Variants in PKHD1 observed in about 807,000 individuals in gnomAD.
PKHD1 encodes the protein PKHD1 ciliary IPT domain containing fibrocystin/polyductin.
In PKHD1, 291 loss-of-function variants were observed where a neutral mutation model predicts 412.0. That is an observed-to-expected ratio of 0.71 (90% CI 0.64 to 0.78). PKHD1 has a LOEUF of 0.78. Ranked by LOEUF, PKHD1 falls within the 30% of genes least tolerant of loss-of-function variation. The pLI is 0.00. For missense variants in PKHD1, 4,825 were observed against 4,950.7 expected (o/e 0.97, Z 0.76); for synonymous variants, 1,777 against 1,821.5 (o/e 0.98, Z 0.62).
At chr6:51,744,053 T>A (rs1784894213) in intron 60 of PKHD1, among the ~76,000 whole-genome samples, 1 of 152,176 alleles carries the variant, frequency 6.6e-6, no homozygotes, top group South Asian at 2.1e-4. Context: ...CAGACCAGTA[T>A]GAAACACTGA....
intron 34 of PKHD1, among the ~76,000 whole-genome samples, chr6:52,014,431 G>A (rs946832935): frequency 6.6e-6 from 1 of 152,206 alleles, no homozygotes; most frequent in Non-Finnish European, 1.5e-5. Context: ...CCACGAATGA[G>A]CCACCAGTAC....
Position 51,693,684 on chromosome 6 carries a change from CAT to C in PKHD1, c.10157-33717_10157-33716del, listed in dbSNP as rs573658337. On this transcript the variant is annotated intron_variant, in intron 60 of 66. Transcript: ENST00000371117. Reference sequence around the variant, plus strand: ...ACAATATGGGCAGCTTCATTAAAAACATGGGATGGCAGTGGTATAGCCATTAC... The same window carrying C: ...ACAATATGGGCAGCTTCATTAAAAACGGGATGGCAGTGGTATAGCCATTAC... Among the ~76,000 whole-genome samples, 34 of 152,300 alleles carry C rather than the reference CAT, an allele frequency of 2.2e-4. No homozygotes were observed. In the East Asian group the frequency reaches 5.6e-3, roughly 25 times the overall value.
intron 66 of PKHD1, among the ~76,000 whole-genome samples, chr6:51,620,744 G>A (rs1432926755): frequency 6.7e-6 from 1 of 149,234 alleles, no homozygotes; most frequent in East Asian, 2.0e-4. Context: ...ATTTAATCTG[G>A]AAAATGAGGT....
intron 52 of PKHD1, among the ~76,000 whole-genome samples, chr6:51,794,235 G>A (rs191832193): frequency 3.8e-4 from 58 of 152,126 alleles, no homozygotes; most frequent in African/African-American, 1.4e-3. Flanking sequence ...TGACTGGTAT[G>A]AGATGATATC....
At chr6:51,742,870 G>A (rs1038096222) in intron 60 of PKHD1, among the ~76,000 whole-genome samples, 1 of 152,142 alleles carries the variant, frequency 6.6e-6, no homozygotes, top group African/African-American at 2.4e-5. Context: ...AGATAGGGTG[G>A]TCAAGGATGG....
chr6:51,805,418 A>G (rs59348449), intron 52 of PKHD1, among the ~76,000 whole-genome samples: 16,029 of 152,212 alleles, frequency 0.11, 915 homozygotes, highest in East Asian at 0.14. Context: ...AGAGCTACCT[A>G]TTGGGTGCTA....
intron 52 of PKHD1, among the ~76,000 whole-genome samples, chr6:51,807,208 A>AC (rs35166596): frequency 0.56 from 84,672 of 151,136 alleles, 24,134 homozygotes; most frequent in East Asian, 0.78. Flanking sequence ...CAGGTTGATC[A>AC]CTGAGGTCAG....
In PKHD1 at chr6:52,056,987, A is replaced by T. The variant is rs752966160; in HGVS notation, c.1513-8T>A. On this transcript the variant is annotated splice_polypyrimidine_tract_variant and splice_region_variant and intron_variant, in intron 16 of 66. Coordinates refer to ENST00000371117, the MANE Select transcript of PKHD1 (RefSeq NM_138694.4). ...GCCTGATACATTCAGCACCTAAAAAAGTCAAGACAGACAAGACTAAATGAT... is the reference window on the plus strand; with the variant it reads ...GCCTGATACATTCAGCACCTAAAAATGTCAAGACAGACAAGACTAAATGAT... 2 of 1,594,110 alleles carry T rather than the reference A, an allele frequency of 1.3e-6. No homozygotes were observed. The highest frequency in any genetic ancestry group is 1.1e-5 in the South Asian group (1 of 90,628).
At chr6:52,055,994 G>A (rs376934442) in intron 18 of PKHD1, among the ~76,000 whole-genome samples, 1 of 152,282 alleles carries the variant, frequency 6.6e-6, no homozygotes, top group African/African-American at 2.4e-5. Flanking sequence ...TTCAACCTCA[G>A]CACTATTAAT....
At chr6:51,760,303 C>G (rs1245791440) in intron 55 of PKHD1, among the ~76,000 whole-genome samples, 4 of 152,070 alleles carry the variant, frequency 2.6e-5, no homozygotes, top group Admixed American at 2.6e-4. Context: ...TCTTTATGTT[C>G]TGCTGTGCAC....
At chr6:52,020,259 G>A (rs375225006) in intron 33 of PKHD1, among the ~76,000 whole-genome samples, 3 of 152,160 alleles carry the variant, frequency 2.0e-5, no homozygotes, top group Non-Finnish European at 2.9e-5. Context: ...GTAGAAATGC[G>A]TGCGTGCACA....
At chr6:51,708,358 G>A (rs1780251246) in intron 60 of PKHD1, among the ~76,000 whole-genome samples, 1 of 152,100 alleles carries the variant, frequency 6.6e-6, no homozygotes, top group African/African-American at 2.4e-5. Flanking sequence ...TATCTCCTAT[G>A]TCATTATTCT....
chr6:51,883,936 A>G (rs1309472849), intron 45 of PKHD1, among the ~76,000 whole-genome samples: 3 of 152,162 alleles, frequency 2.0e-5, no homozygotes, highest in African/African-American at 7.2e-5. Flanking sequence ...TCTGCTATAG[A>G]CTGATGCAGC....
At chr6:51,799,113 C>T (rs531828411) in intron 52 of PKHD1, among the ~76,000 whole-genome samples, 13 of 96,698 alleles carry the variant, frequency 1.3e-4, no homozygotes, top group Admixed American at 8.4e-4. Flanking sequence ...TTTCTCAGGA[C>T]CTAGAAGAAT....
intron 60 of PKHD1, among the ~76,000 whole-genome samples, chr6:51,678,010 G>T (rs548629240): frequency 6.6e-6 from 1 of 152,128 alleles, no homozygotes; most frequent in African/African-American, 2.4e-5. Flanking sequence ...TTGTATTTTC[G>T]TTATTTTGTT....
chr6:51,675,479 CATA>C (rs1775689077), intron 60 of PKHD1, among the ~76,000 whole-genome samples: 1 of 152,176 alleles, frequency 6.6e-6, no homozygotes, highest in South Asian at 2.1e-4. Flanking sequence ...CTTTGGTAAT[CATA>C]ATGTCATTTA....
intron 27 of PKHD1, among the ~76,000 whole-genome samples, chr6:52,039,893 A>G (rs1804565210): frequency 6.6e-6 from 1 of 152,370 alleles, no homozygotes; most frequent in South Asian, 2.1e-4. Context: ...AAAATATGGT[A>G]TATCCATACC....
chr6:51,647,901 G>C (rs980819313), intron 63 of PKHD1, 130 bp downstream of exon 63: 1 of 699,178 alleles, frequency 1.4e-6, no homozygotes, highest in African/African-American at 1.7e-5. Context: ...TAGGGATGAA[G>C]GAGTTTCTTC....
chr6:51,830,108 T>C (rs10948654), intron 52 of PKHD1, among the ~76,000 whole-genome samples: 75,828 of 152,012 alleles, frequency 0.5, 20,100 homozygotes, highest in Middle Eastern at 0.66. Flanking sequence ...TCTTCCATTA[T>C]GGATCTTCTT....
Sources: gnomAD v4.1 joint callset for allele counts (sites outside exome capture counted in the v4.1 genomes callset) on GRCh38, gnomAD v4.1.1 for gene constraint, MANE v1.5 for transcripts, NCBI Gene and HGNC (gene_info 2026-07-23, HGNC 2026-07-21) for gene names.